Variants in UBE4B observed in about 807,000 individuals in gnomAD.
The protein encoded by UBE4B is ubiquitin conjugation factor E4 B.
Under a neutral mutation model 148.1 loss-of-function variants are expected in UBE4B, and 27 were observed. That is an observed-to-expected ratio of 0.18 (90% CI 0.13 to 0.25). The LOEUF (loss-of-function observed/expected upper bound fraction) is 0.25, where lower values mean the gene tolerates loss of function less well. Among genes scored for constraint, UBE4B ranks in the 10% least tolerant of loss-of-function variants. The pLI is 1.00. For missense variants in UBE4B, 1,170 were observed against 1,662.4 expected, an observed-to-expected ratio of 0.70 and a Z score of 5.15; for synonymous variants, 596 against 619.3, an observed-to-expected ratio of 0.96 and a Z score of 0.56.
chr1:10,135,818 GATAAA>G (rs1645673575), intron 16 of UBE4B, among the ~76,000 whole-genome samples: 1 of 151,100 alleles, frequency 6.6e-6, no homozygotes, highest in Non-Finnish European at 1.5e-5. Context: ...AAACCAAAGT[GATAAA>G]ATAGAATGTA....
At chr1:10,135,745 A>AC (rs1645671195) in intron 16 of UBE4B, among the ~76,000 whole-genome samples, 1 of 151,542 alleles carries the variant, frequency 6.6e-6, no homozygotes, top group Non-Finnish European at 1.5e-5. Flanking sequence ...CAAAAAAAAA[A>AC]AAAAAACAGA....
chr1:10,170,879 T>C, intron 24 of UBE4B: 1 of 308,416 alleles, frequency 3.2e-6, no homozygotes, highest in Non-Finnish European at 5.9e-6. Flanking sequence ...TAAAGAAAAG[T>C]TTGGCTTCTT....
At chr1:10,080,115 C>T (rs1180600711) in intron 2 of UBE4B, among the ~76,000 whole-genome samples, 4 of 152,064 alleles carry the variant, frequency 2.6e-5, no homozygotes. Context: ...TTCACACAGG[C>T]ATTTATCTGA....
At chr1:10,061,371 C>T (rs1312391773) in intron 1 of UBE4B, among the ~76,000 whole-genome samples, 2 of 152,144 alleles carry the variant, frequency 1.3e-5, no homozygotes, top group African/African-American at 2.4e-5. Flanking sequence ...TCTCCTGCCT[C>T]AGCCTACCAA....
intron 2 of UBE4B, chr1:10,072,573 T>C (rs1382099331): frequency 2.2e-5 from 15 of 693,384 alleles, no homozygotes; most frequent in Non-Finnish European, 3.7e-5. Flanking sequence ...AAAATAATGG[T>C]CAAAATGAAC....
At position 10,144,985 on chromosome 1, in the gene UBE4B, C is replaced by G. The variant is rs1427798165; in HGVS notation, c.2409C>G (p.Ser803=). The G allele has an allele frequency of 1.2e-6, 2 of 1,613,626 alleles. No homozygotes were observed. Among genetic ancestry groups the G allele is most frequent in the East Asian group, 4.5e-5 (2 of 44,862 alleles). ...LKNNESQWKD[S]PLATRHREML... is the part of the protein sequence containing the mutation. ...ATAATGAAAGCCAATGGAAAGATTCCCCACTGGCAACTAGACACCGCGAAA... is the reference window on the plus strand; with the variant it reads ...ATAATGAAAGCCAATGGAAAGATTCGCCACTGGCAACTAGACACCGCGAAA... Residue 803 remains serine (S), a synonymous_variant, in exon 18 of 28, where the codon TCC becomes TCG. Coordinates refer to ENST00000343090, the MANE Select transcript of UBE4B (RefSeq NM_001105562.3).
intron 2 of UBE4B, among the ~76,000 whole-genome samples, chr1:10,073,744 A>T (rs1644528413): frequency 6.6e-6 from 1 of 151,688 alleles, no homozygotes; most frequent in Non-Finnish European, 1.5e-5. Flanking sequence ...AACAACAACA[A>T]CATCAAATTC....
chr1:10,112,628 G>C (rs1344232664), intron 7 of UBE4B, among the ~76,000 whole-genome samples: 2 of 152,154 alleles, frequency 1.3e-5, no homozygotes, highest in African/African-American at 4.8e-5. Context: ...TTGCACGCCT[G>C]ACCTCAAGTG....
chr1:10,130,348 T>C (rs2101941319), intron 12 of UBE4B, 152 bp from the exon 13 acceptor site: 1 of 714,458 alleles, frequency 1.4e-6, no homozygotes, highest in Non-Finnish European at 2.4e-6. Flanking sequence ...CCCAAAGTGC[T>C]GGGATTACAG....
intron 25 of UBE4B, among the ~76,000 whole-genome samples, chr1:10,175,414 G>T (rs1294780182): frequency 6.6e-6 from 1 of 152,038 alleles, no homozygotes; most frequent in Non-Finnish European, 1.5e-5. Context: ...CACTTTGGGA[G>T]GCCAAGGCGG....
rs572373796 is a variant in UBE4B, at chr1:10,040,478, T to C, written c.24+6784T>C. 4.1e-4 allele frequency among the ~76,000 whole-genome samples: 63 copies of C among 152,172 alleles called. No individual in the cohort carries two copies. The East Asian group carries it at 0.011, about 27-fold the overall frequency. On this transcript the variant is annotated intron_variant, in intron 1 of 27. Transcript: ENST00000343090. Reference sequence around the variant, plus strand: ...GTTGCCCAGGCTGGTCTCAAACTCCTGGGCTCAAGTGATCTGCCCACCTCA... The same window carrying C: ...GTTGCCCAGGCTGGTCTCAAACTCCCGGGCTCAAGTGATCTGCCCACCTCA...
At chr1:10,046,554 G>C (rs538971516) in intron 1 of UBE4B, among the ~76,000 whole-genome samples, 2 of 152,108 alleles carry the variant, frequency 1.3e-5, no homozygotes, top group Non-Finnish European at 2.9e-5. Flanking sequence ...AGCTGTGAGC[G>C]CTTCCTCCCC....
intron 21 of UBE4B, among the ~76,000 whole-genome samples, chr1:10,152,577 C>T (rs1304453379): frequency 1.3e-5 from 2 of 151,870 alleles, no homozygotes; most frequent in African/African-American, 4.8e-5. Context: ...GCGGGTGGAT[C>T]ACCTGAGATC....
intron 25 of UBE4B, among the ~76,000 whole-genome samples, chr1:10,175,404 C>T (rs965519902): frequency 5.9e-5 from 9 of 152,202 alleles, no homozygotes; most frequent in South Asian, 4.1e-4. Context: ...GTAATCCCAG[C>T]ACTTTGGGAG....
rs1645038933 is a variant in UBE4B, at chr1:10,102,899, A to ACTC, written c.436-48_436-46dup. ...TAACGTATTCCTATTGAAACACCTA[A>ACTC]CTCATACCTCTTATTTGAAATTAAC... On this transcript the variant is annotated intron_variant, in intron 4 of 27. Coordinates refer to ENST00000343090, the MANE Select transcript of UBE4B (RefSeq NM_001105562.3). 2.6e-6 allele frequency: 4 copies of ACTC among 1,563,452 alleles called. No individual in the cohort carries two copies. In the East Asian group the frequency reaches 9.1e-5, roughly 35 times the overall value.
At chr1:10,094,334 T>C in intron 2 of UBE4B, among the ~76,000 whole-genome samples, 1 of 152,312 alleles carries the variant, frequency 6.6e-6, no homozygotes, top group Middle Eastern at 3.4e-3. Flanking sequence ...CACTTGAATT[T>C]TTTTTTCAAT....
At chr1:10,115,537 G>T (rs1174042862) in intron 7 of UBE4B, among the ~76,000 whole-genome samples, 1 of 152,196 alleles carries the variant, frequency 6.6e-6, no homozygotes, top group African/African-American at 2.4e-5. Flanking sequence ...CTCCCAAAGT[G>T]CTGGGATTAC....
chr1:10,112,396 T>C (rs1356685890), intron 7 of UBE4B, among the ~76,000 whole-genome samples: 3 of 152,170 alleles, frequency 2.0e-5, no homozygotes, highest in African/African-American at 7.2e-5. Context: ...ATATTTCTTT[T>C]TTGTTTTGTT....
chr1:10,143,355 G>A (rs1645814249), intron 17 of UBE4B, among the ~76,000 whole-genome samples: 1 of 151,980 alleles, frequency 6.6e-6, no homozygotes, highest in South Asian at 2.1e-4. Flanking sequence ...TGAGCCAGAT[G>A]ATGCCAGTTT....
Sources: gnomAD v4.1 joint callset for allele counts (sites outside exome capture counted in the v4.1 genomes callset) on GRCh38, gnomAD v4.1.1 for gene constraint, MANE v1.5 for transcripts, NCBI Gene and HGNC (gene_info 2026-07-23, HGNC 2026-07-21) for gene names.